Variants in PRRC2B observed in about 807,000 individuals in gnomAD.
PRRC2B encodes the protein protein PRRC2B.
A neutral mutation model predicts 242.3 loss-of-function variants in PRRC2B; 68 were observed. The observed-to-expected ratio is 0.28, with a 90% CI of 0.23 to 0.34. The LOEUF (loss-of-function observed/expected upper bound fraction) is 0.34, where lower values mean the gene tolerates loss of function less well. Among genes scored for constraint, PRRC2B ranks in the 10% least tolerant of loss-of-function variants. PRRC2B has a pLI of 1.00. For synonymous variants in PRRC2B, 1,228 were observed against 1,173.6 expected (o/e 1.05, Z -0.95); for missense variants, 2,835 against 2,954.8 (o/e 0.96, Z 0.94).
Position 131,474,531 on chromosome 9 carries a change from G to A in PRRC2B, c.2402G>A (p.Gly801Glu). 2 of 1,613,954 alleles carry A rather than the reference G, an allele frequency of 1.2e-6. No individual in the cohort carries two copies. Among genetic ancestry groups the A allele is most frequent in the African/African-American group, 2.7e-5 (2 of 75,026 alleles). Residue 801 changes from glycine (G) to glutamate (E), a missense_variant, in exon 16 of 32, where the codon GGG becomes GAG. Transcript: ENST00000683519. Reference protein sequence around the residue: ...SAQRDLFEERGEEYLSAFDKK... With the variant: ...SAQRDLFEEREEEYLSAFDKK... ...CAGCGCGATCTCTTTGAGGAGAGAG[G>A]GGAGGAGTACTTGAGTGCTTTTGAC...
intron 1 of PRRC2B, among the ~76,000 whole-genome samples, chr9:131,396,852 C>T (rs566340007): frequency 2.6e-5 from 4 of 152,104 alleles, no homozygotes; most frequent in Non-Finnish European, 5.9e-5. Context: ...ACAGACTGAA[C>T]CCAGTGTTGG....
At chr9:131,404,583 ACT>A (rs1290748051) in intron 1 of PRRC2B, among the ~76,000 whole-genome samples, 4 of 89,354 alleles carry the variant, frequency 4.5e-5, no homozygotes, top group African/African-American at 9.7e-5. Context: ...GCTCTTCCCC[ACT>A]CTCTCTGAAA....
intron 1 of PRRC2B, among the ~76,000 whole-genome samples, chr9:131,397,358 G>A (rs767546687): frequency 3.9e-5 from 6 of 152,200 alleles, no homozygotes; most frequent in Non-Finnish European, 7.3e-5. Flanking sequence ...AGAAAGCCTG[G>A]GGAAGGAAGA....
At chr9:131,428,191 A>T (rs1415468256) in intron 1 of PRRC2B, among the ~76,000 whole-genome samples, 4 of 151,910 alleles carry the variant, frequency 2.6e-5, no homozygotes. Flanking sequence ...AAGTGTTGGG[A>T]TTATAGGCGT....
At chr9:131,470,110 G>A (rs1943500045) in intron 13 of PRRC2B, among the ~76,000 whole-genome samples, 1 of 152,192 alleles carries the variant, frequency 6.6e-6, no homozygotes, top group African/African-American at 2.4e-5. Context: ...CCCGTGGCCT[G>A]AAGTGCGTGG....
intron 4 of PRRC2B, among the ~76,000 whole-genome samples, chr9:131,437,240 C>T: frequency 6.6e-6 from 1 of 152,190 alleles, no homozygotes; most frequent in East Asian, 1.9e-4. Flanking sequence ...GGCAGCAGTC[C>T]CTGAATTTAT....
In PRRC2B at chr9:131,475,801, A is replaced by AC; in HGVS notation, c.3676dup (p.His1226ProfsTer39). 1 of 1,612,798 alleles carries AC rather than the reference A, an allele frequency of 6.2e-7. No homozygotes were observed. Among genetic ancestry groups the AC allele is most frequent in the Non-Finnish European group, 8.5e-7 (1 of 1,179,060 alleles). On this transcript the variant is annotated frameshift_variant, in exon 16 of 32. Transcript: ENST00000683519. LOFTEE classifies it high-confidence loss of function. The stretch of plus-strand genomic sequence containing the variant: ...GGAGAACCTTCGTCTCCAAAGAGTC[A>AC]CCCCACTGGCAGAGCAAAAGTCCAG...
At chr9:131,468,445 A>G (rs1943453895) in intron 13 of PRRC2B, among the ~76,000 whole-genome samples, 1 of 152,100 alleles carries the variant, frequency 6.6e-6, no homozygotes, top group Admixed American at 6.6e-5. Context: ...GGCTTTTTAT[A>G]AACTTTATTT....
intron 12 of PRRC2B, among the ~76,000 whole-genome samples, chr9:131,466,795 CTTTCTTTT>C (rs1420239070): frequency 6.6e-6 from 1 of 150,584 alleles, no homozygotes; most frequent in Non-Finnish European, 1.5e-5. Context: ...AATTTTTGTA[CTTTCTTTT>C]TTTCTTTTTT....
rs185432075 is a variant in PRRC2B at position 131,399,376 on chromosome 9, G to A, written c.-52+5113G>A. Among the ~76,000 whole-genome samples the A allele has an allele frequency of 2.9e-3, 436 of 151,170 alleles. 1 individual carries two copies. Among genetic ancestry groups the A allele is most frequent in the Middle Eastern group, 0.014 (4 of 292 alleles). ...GGGCGGATCACGAGGTCAGGAGATC[G>A]AGACCATCCTGGCTAACACGATGAA... On this transcript the variant is annotated intron_variant, in intron 1 of 31. Transcript: ENST00000683519.
intron 1 of PRRC2B, among the ~76,000 whole-genome samples, chr9:131,399,548 T>C (rs3121077): frequency 0.98 from 148,779 of 152,098 alleles, 72,860 homozygotes; most frequent in East Asian, 1. Context: ...CACTGCACTC[T>C]AGCCTGGGCC....
intron 31 of PRRC2B, 43 bp from the exon 32 acceptor site, chr9:131,495,697 C>G (rs201857890): frequency 1.3e-6 from 2 of 1,584,716 alleles, no homozygotes; most frequent in East Asian, 2.3e-5. Context: ...AAACACGTTT[C>G]AGCGTCAGGG....
At chr9:131,455,766 C>T (rs1943056054) in intron 10 of PRRC2B, among the ~76,000 whole-genome samples, 1 of 152,034 alleles carries the variant, frequency 6.6e-6, no homozygotes, top group Non-Finnish European at 1.5e-5. Flanking sequence ...TCCACTGTGC[C>T]TGGCCTCAAC....
rs1341275044 is a variant in PRRC2B, at chr9:131,430,091, C to G, written c.-51-3C>G. The G allele has an allele frequency of 7.4e-6, 6 of 806,788 alleles. No homozygotes were observed. Among genetic ancestry groups the G allele is most frequent in the Admixed American group, 2.6e-5 (1 of 38,954 alleles). The allele number at this position is 806,788 out of a possible 1,614,324, so 50.0% of individuals were successfully genotyped here. Reference sequence around the variant, plus strand: ...TTTTTTTTCTTCTCTATTTCAAAGGCAGATCGGGAGCGGTGCCGAGAAAAA... The same window carrying G: ...TTTTTTTTCTTCTCTATTTCAAAGGGAGATCGGGAGCGGTGCCGAGAAAAA... On this transcript the variant is annotated splice_region_variant and splice_polypyrimidine_tract_variant and intron_variant, in intron 1 of 31. Coordinates refer to ENST00000683519, the MANE Select transcript of PRRC2B (RefSeq NM_013318.4).
chr9:131,396,944 A>G (rs1170512780), intron 1 of PRRC2B, among the ~76,000 whole-genome samples: 1 of 152,148 alleles, frequency 6.6e-6, no homozygotes, highest in East Asian at 1.9e-4. Flanking sequence ...GTGGTTCTGC[A>G]TTTTATTGGG....
intron 11 of PRRC2B, among the ~76,000 whole-genome samples, chr9:131,460,709 T>C (rs925354791): frequency 1.3e-5 from 2 of 152,220 alleles, no homozygotes; most frequent in African/African-American, 4.8e-5. Context: ...TGGTTGGCCA[T>C]TGGGTGTTCC....
chr9:131,399,461 C>T (rs1408002495), intron 1 of PRRC2B, among the ~76,000 whole-genome samples: 1 of 151,672 alleles, frequency 6.6e-6, no homozygotes, highest in Non-Finnish European at 1.5e-5. Context: ...CGCCTGTAGT[C>T]CCAGATACTC....
intron 17 of PRRC2B, 53 bp downstream of exon 17, chr9:131,478,002 A>G: frequency 1.3e-6 from 2 of 1,542,012 alleles, no homozygotes; most frequent in Admixed American, 1.7e-5. Flanking sequence ...ACCAGGGGCC[A>G]TGCAGTCCTC....
intron 1 of PRRC2B, among the ~76,000 whole-genome samples, chr9:131,405,208 C>T (rs989803396): frequency 6.6e-6 from 1 of 152,114 alleles, no homozygotes; most frequent in African/African-American, 2.4e-5. Flanking sequence ...GCAGAAGCGG[C>T]CACTGGAGGA....
Sources: allele counts gnomAD v4.1 joint callset (sites outside exome capture counted in the v4.1 genomes callset), GRCh38; gene constraint gnomAD v4.1.1; transcripts MANE v1.5; gene names NCBI Gene and HGNC (gene_info 2026-07-23, HGNC 2026-07-21).